Variants in ARHGAP26 observed in about 807,000 individuals in gnomAD.
ARHGAP26 encodes Rho GTPase activating protein 26.
A neutral mutation model predicts 104.8 loss-of-function variants in ARHGAP26; 38 were observed. That is an observed-to-expected ratio of 0.36 (90% CI 0.28 to 0.48). The LOEUF (loss-of-function observed/expected upper bound fraction) is 0.48. Among genes scored for constraint, ARHGAP26 ranks in the 20% least tolerant of loss-of-function variants. The pLI is 0.99. For missense variants in ARHGAP26, 704 were observed against 947.9 expected, an observed-to-expected ratio of 0.74 and a Z score of 3.38; for synonymous variants, 341 against 340.0, an observed-to-expected ratio of 1.00 and a Z score of -0.03.
At chr5:142,956,909 A>G (rs712184) in intron 11 of ARHGAP26, among the ~76,000 whole-genome samples, 74,111 of 152,036 alleles carry the variant, frequency 0.49, 22,429 homozygotes, top group East Asian at 0.91. Context: ...CATAAGAATA[A>G]GATGGGAAAT....
chr5:143,119,695 T>C (rs1411956024), intron 17 of ARHGAP26, among the ~76,000 whole-genome samples: 2 of 152,144 alleles, frequency 1.3e-5, no homozygotes, highest in Non-Finnish European at 2.9e-5. Flanking sequence ...AAATCCTCTT[T>C]CTAACTGGGC....
intron 11 of ARHGAP26, among the ~76,000 whole-genome samples, chr5:142,998,480 G>A (rs1776733824): frequency 6.6e-6 from 1 of 152,164 alleles, no homozygotes; most frequent in South Asian, 2.1e-4. Context: ...AGTCCACTTG[G>A]TTGCCTTGGC....
chr5:142,809,911 A>G (rs1763733401), intron 1 of ARHGAP26, among the ~76,000 whole-genome samples: 1 of 152,204 alleles, frequency 6.6e-6, no homozygotes, highest in African/African-American at 2.4e-5. Flanking sequence ...TCTCTCATGG[A>G]TCTTACATTG....
chr5:142,798,332 C>T (rs184510727), intron 1 of ARHGAP26, among the ~76,000 whole-genome samples: 2 of 152,290 alleles, frequency 1.3e-5, no homozygotes, highest in East Asian at 3.9e-4. Context: ...CATGCAGTGC[C>T]CTCTGATGCA....
chr5:142,937,646 A>G (rs1210520291), intron 11 of ARHGAP26, among the ~76,000 whole-genome samples: 1 of 152,210 alleles, frequency 6.6e-6, no homozygotes, highest in Non-Finnish European at 1.5e-5. Flanking sequence ...AGTACTACAG[A>G]TGTCCTTTAA....
At chr5:143,186,457 G>C (rs1000557529) in intron 20 of ARHGAP26, among the ~76,000 whole-genome samples, 5 of 152,174 alleles carry the variant, frequency 3.3e-5, no homozygotes, top group African/African-American at 1.2e-4. Flanking sequence ...TGGACTGGGA[G>C]GTACTGATTC....
intron 1 of ARHGAP26, among the ~76,000 whole-genome samples, chr5:142,852,014 G>A (rs996601904): frequency 1.2e-4 from 19 of 152,206 alleles, no homozygotes; most frequent in East Asian, 3.8e-4. Flanking sequence ...CTGTCCTCTA[G>A]CAATAGTTTG....
intron 12 of ARHGAP26, among the ~76,000 whole-genome samples, chr5:143,024,131 G>C (rs946608596): frequency 1.3e-5 from 2 of 152,158 alleles, no homozygotes; most frequent in African/African-American, 2.4e-5. Flanking sequence ...GGAGGGCAGG[G>C]GGCTGGAGAG....
At chr5:142,917,329 A>G (rs1332136646) in intron 10 of ARHGAP26, among the ~76,000 whole-genome samples, 7 of 152,036 alleles carry the variant, frequency 4.6e-5, no homozygotes, top group Admixed American at 2.0e-4. Flanking sequence ...GTGAGCCACC[A>G]CACCTGGCCT....
intron 1 of ARHGAP26, among the ~76,000 whole-genome samples, chr5:142,773,819 G>C (rs1755744766): frequency 6.6e-6 from 1 of 152,176 alleles, no homozygotes; most frequent in Non-Finnish European, 1.5e-5. Context: ...GCATTGAACA[G>C]AGAGGCCAAA....
chr5:142,829,670 G>A (rs1455108143), intron 1 of ARHGAP26, among the ~76,000 whole-genome samples: 3 of 152,218 alleles, frequency 2.0e-5, no homozygotes, highest in Non-Finnish European at 4.4e-5. Context: ...AATTATATGT[G>A]TAATTAGAGA....
chr5:142,842,607 C>G (rs992552633), intron 1 of ARHGAP26, among the ~76,000 whole-genome samples: 12 of 152,258 alleles, frequency 7.9e-5, no homozygotes, highest in African/African-American at 2.9e-4. Flanking sequence ...CAGGTGAAAC[C>G]CAATAATTGA....
chr5:142,967,924 G>A lies in ARHGAP26; in HGVS notation c.1107+35799G>A, dbSNP rs143324784. ...AAGTTCCTGAAGCTTCTGGAGAGGT[G>A]GTCCTTGCTACTATTAAAGGCATTG... On this transcript the variant is annotated intron_variant, in intron 11 of 22. Transcript: ENST00000645722. Among the ~76,000 whole-genome samples the A allele has an allele frequency of 4.9e-3, 744 of 152,206 alleles. 6 individuals carry two copies. Among genetic ancestry groups the A allele is most frequent in the African/African-American group, 0.017 (712 of 41,516 alleles).
chr5:143,221,234 T>C (rs1348407346), intron 22 of ARHGAP26, among the ~76,000 whole-genome samples: 2 of 152,024 alleles, frequency 1.3e-5, no homozygotes, highest in African/African-American at 2.4e-5. Context: ...AGATGGATCA[T>C]GATGTCACAA....
chr5:143,166,229 C>T (rs891349507), intron 20 of ARHGAP26: 9 of 489,588 alleles, frequency 1.8e-5, no homozygotes, highest in South Asian at 2.8e-5. Context: ...TCTGAGTAGC[C>T]GGAAGAGCCC....
At chr5:143,099,885 G>A (rs975672860) in intron 17 of ARHGAP26, among the ~76,000 whole-genome samples, 4 of 152,078 alleles carry the variant, frequency 2.6e-5, no homozygotes, top group Non-Finnish European at 5.9e-5. Flanking sequence ...CAAAAGAACA[G>A]GCATATTTGA....
chr5:143,119,193 T>C (rs1323797874), intron 17 of ARHGAP26, among the ~76,000 whole-genome samples: 1 of 152,164 alleles, frequency 6.6e-6, no homozygotes. Flanking sequence ...TAGTCAGATG[T>C]AGTGTGGAGA....
intron 11 of ARHGAP26, among the ~76,000 whole-genome samples, chr5:142,952,840 C>T (rs912971410): frequency 1.3e-5 from 2 of 152,010 alleles, no homozygotes; most frequent in African/African-American, 4.8e-5. Flanking sequence ...TCCTGAGTAG[C>T]TGGGATTACA....
At chr5:142,912,387 C>G (rs1183466653) in intron 9 of ARHGAP26, among the ~76,000 whole-genome samples, 1 of 152,214 alleles carries the variant, frequency 6.6e-6, no homozygotes. Flanking sequence ...AAAGCAGATT[C>G]AGCGATTGCT....
Sources: gnomAD v4.1 joint callset for allele counts (sites outside exome capture counted in the v4.1 genomes callset) on GRCh38, gnomAD v4.1.1 for gene constraint, MANE v1.5 for transcripts, NCBI Gene and HGNC (gene_info 2026-07-23, HGNC 2026-07-21) for gene names.